NMNAT2: variants seen among roughly 807,000 people sequenced by gnomAD.
NMNAT2 encodes nicotinamide nucleotide adenylyltransferase 2.
In NMNAT2, 11 loss-of-function variants were observed where a neutral mutation model predicts 41.6. The observed-to-expected ratio is 0.26, with a 90% CI of 0.17 to 0.44. The LOEUF is 0.44. NMNAT2 is among the 20% of genes least tolerant of loss of function. The pLI, the probability that NMNAT2 is intolerant of heterozygous loss-of-function variation, is 1.00. For missense variants in NMNAT2, 288 were observed against 407.7 expected (o/e 0.71, Z 2.53); for synonymous variants, 148 against 151.2 (o/e 0.98, Z 0.16).
chr1:183,302,459 C>CTT (rs1394947586), intron 1 of NMNAT2, among the ~76,000 whole-genome samples: 4 of 152,150 alleles, frequency 2.6e-5, no homozygotes, highest in Non-Finnish European at 5.9e-5. Context: ...TTAACTTTGT[C>CTT]TTTTTATTTT....
chr1:183,272,997 G>A lies in NMNAT2; in HGVS notation c.651+5556C>T, dbSNP rs186641330. Among the ~76,000 whole-genome samples the A allele has an allele frequency of 3.3e-5, 5 of 152,318 alleles. No individual in the cohort carries two copies. The East Asian group carries it at 9.6e-4, about 29-fold the overall frequency. On this transcript the variant is annotated intron_variant, in intron 8 of 10. Transcript: ENST00000287713. ...TGCCTCCCTGCATATTTTAAGTTCG[G>A]CCTAAAGATTTCTCTGTGTACATGG...
intron 1 of NMNAT2, among the ~76,000 whole-genome samples, chr1:183,408,515 C>G (rs769313188): frequency 1.3e-5 from 2 of 151,880 alleles, no homozygotes; most frequent in Non-Finnish European, 2.9e-5. Flanking sequence ...CATAGTTTGC[C>G]GACCTCTGAG....
intron 1 of NMNAT2, among the ~76,000 whole-genome samples, chr1:183,314,603 C>T (rs931014174): frequency 1.3e-5 from 2 of 152,236 alleles, no homozygotes; most frequent in Non-Finnish European, 2.9e-5. Context: ...TGGCATTTCT[C>T]TGTTTCTAGC....
intron 1 of NMNAT2, among the ~76,000 whole-genome samples, chr1:183,385,130 T>G (rs1031854389): frequency 6.6e-6 from 1 of 152,038 alleles, no homozygotes; most frequent in Non-Finnish European, 1.5e-5. Flanking sequence ...TGAGCCCAGG[T>G]GTTTCAGGTT....
chr1:183,292,756 G>A, intron 3 of NMNAT2, 34 bp downstream of exon 3: 2 of 1,597,924 alleles, frequency 1.3e-6, no homozygotes, highest in Non-Finnish European at 1.7e-6. Flanking sequence ...AAGTCTCCGG[G>A]CCACTGCCTC....
chr1:183,376,902 A>G (rs1017067482), intron 1 of NMNAT2, among the ~76,000 whole-genome samples: 15 of 152,114 alleles, frequency 9.9e-5, no homozygotes, highest in Non-Finnish European at 2.1e-4. Context: ...TGCTCAGTTA[A>G]CTATCAAAAA....
At chr1:183,370,199 C>T (rs1432983227) in intron 1 of NMNAT2, among the ~76,000 whole-genome samples, 2 of 148,518 alleles carry the variant, frequency 1.3e-5, no homozygotes, top group African/African-American at 5.0e-5. Flanking sequence ...ACTCCTAGTA[C>T]TTCCTACCAC....
At chr1:183,303,980 G>A (rs1661932246) in intron 1 of NMNAT2, among the ~76,000 whole-genome samples, 1 of 152,228 alleles carries the variant, frequency 6.6e-6, no homozygotes, top group African/African-American at 2.4e-5. Flanking sequence ...AGACCCCTGG[G>A]CGGAGAATGT....
chr1:183,302,350 G>A (rs1174795363), intron 1 of NMNAT2, among the ~76,000 whole-genome samples: 1 of 152,190 alleles, frequency 6.6e-6, no homozygotes, highest in African/African-American at 2.4e-5. Context: ...AGGACTTCAG[G>A]GAGGGAGTCA....
chr1:183,337,939 T>G (rs1381916454), intron 1 of NMNAT2, among the ~76,000 whole-genome samples: 1 of 152,152 alleles, frequency 6.6e-6, no homozygotes, highest in African/African-American at 2.4e-5. Flanking sequence ...GTCAGACTGT[T>G]TCTTTATTTG....
chr1:183,387,931 G>A lies in NMNAT2; in HGVS notation c.85+30252C>T, dbSNP rs566828708. Among the ~76,000 whole-genome samples the A allele has an allele frequency of 9.2e-5, 14 of 152,320 alleles. No individual in the cohort carries two copies. In the South Asian group the frequency reaches 2.7e-3, roughly 29 times the overall value. ...CTTAAGGTACTAGTGAGTGAGGTCAGTCCAAATAGTAATAACAAACCCTTA... is the reference window on the plus strand; with the variant it reads ...CTTAAGGTACTAGTGAGTGAGGTCAATCCAAATAGTAATAACAAACCCTTA... On this transcript the variant is annotated intron_variant, in intron 1 of 10. Transcript: ENST00000287713.
chr1:183,252,452 G>A lies in NMNAT2; in HGVS notation c.*189C>T. The A allele has an allele frequency of 8.4e-6, 3 of 356,014 alleles. No individual in the cohort carries two copies. The highest frequency in any genetic ancestry group is 2.2e-5 in the South Asian group (1 of 45,792). The allele number at this position is 356,014 out of a possible 1,614,324, so 22.1% of individuals were successfully genotyped here. ...CCCCCAACCCGGAGACTAGAGGAAA[G>A]TCTGTCCAAAGATGACTGTGGAATA... On this transcript the variant is annotated 3_prime_UTR_variant, in exon 11 of 11. Transcript: ENST00000287713.
At chr1:183,287,504 T>C (rs1311464418) in intron 4 of NMNAT2, among the ~76,000 whole-genome samples, 1 of 152,168 alleles carries the variant, frequency 6.6e-6, no homozygotes, top group Non-Finnish European at 1.5e-5. Context: ...ATTCTGTGTG[T>C]ATTATCTATT....
chr1:183,392,193 C>T (rs988516545), intron 1 of NMNAT2, among the ~76,000 whole-genome samples: 2 of 152,174 alleles, frequency 1.3e-5, no homozygotes. Context: ...GACATTTCCT[C>T]CCAAACCTGC....
chr1:183,336,652 T>C (rs1557881943), intron 1 of NMNAT2, among the ~76,000 whole-genome samples: 1 of 152,206 alleles, frequency 6.6e-6, no homozygotes, highest in Non-Finnish European at 1.5e-5. Context: ...AACCATGCAG[T>C]AGTTCTTTAC....
chr1:183,377,108 G>A (rs757603542), intron 1 of NMNAT2, among the ~76,000 whole-genome samples: 4 of 152,080 alleles, frequency 2.6e-5, no homozygotes, highest in Non-Finnish European at 2.9e-5. Context: ...GGCACTGGTG[G>A]AAATTCACGA....
intron 1 of NMNAT2, among the ~76,000 whole-genome samples, chr1:183,413,637 C>G (rs1354553823): frequency 3.2e-5 from 4 of 126,680 alleles, no homozygotes; most frequent in Non-Finnish European, 6.3e-5. Context: ...GACGGAGTCT[C>G]GCTCTGTCGC....
chr1:183,415,063 C>G (rs975941738), intron 1 of NMNAT2, among the ~76,000 whole-genome samples: 1 of 152,178 alleles, frequency 6.6e-6, no homozygotes, highest in East Asian at 1.9e-4. Context: ...GCAACCTCTG[C>G]CTCCCAGGCT....
intron 1 of NMNAT2, among the ~76,000 whole-genome samples, chr1:183,395,877 A>C (rs556846979): frequency 2.0e-5 from 3 of 152,322 alleles, no homozygotes; most frequent in South Asian, 4.1e-4. Context: ...TTTAGCATAA[A>C]GGTGAGTGTG....
Sources: allele counts gnomAD v4.1 joint callset (sites outside exome capture counted in the v4.1 genomes callset), GRCh38; gene constraint gnomAD v4.1.1; transcripts MANE v1.5; gene names NCBI Gene and HGNC (gene_info 2026-07-23, HGNC 2026-07-21).